The following CDHR3 variants were observed in gnomAD, a reference collection of about 807,000 sequenced individuals.
CDHR3 encodes cadherin-related family member 3.
Under a neutral mutation model 86.6 loss-of-function variants are expected in CDHR3, and 79 were observed. The observed-to-expected ratio is 0.91, with a 90% CI of 0.76 to 1.10. CDHR3 has a LOEUF of 1.10. Ranked by LOEUF, CDHR3 falls within the 50% of genes least tolerant of loss-of-function variation. The probability of loss-of-function intolerance (pLI) is 0.00; values close to 1 mark genes in which losing one functional copy is unlikely to be tolerated. For missense variants in CDHR3, 1,081 were observed against 1,077.6 expected (o/e 1.00, Z -0.04); for synonymous variants, 421 against 402.4 (o/e 1.05, Z -0.55).
Position 106,015,988 on chromosome 7 carries a change from G to A in CDHR3, c.1389G>A (p.Arg463=), listed in dbSNP as rs1364034035. The A allele has an allele frequency of 3.1e-6, 5 of 1,612,518 alleles. No individual in the cohort carries two copies. The Admixed American group carries it at 5.0e-5, about 16-fold the overall frequency. The part of the protein sequence containing the change: ...PENEFPLIFD[R]PSYVFDVSER... Reference sequence around the variant, plus strand: ...ATGAGTTTCCTCTCATTTTTGATAGGCCATCCTATGTATTTGATGTGTCAG... The same window carrying A: ...ATGAGTTTCCTCTCATTTTTGATAGACCATCCTATGTATTTGATGTGTCAG... The change falls in exon 11 of 19, where the codon AGG becomes AGA. Residue 463 remains arginine, a synonymous_variant. Coordinates refer to ENST00000317716, the MANE Select transcript of CDHR3 (RefSeq NM_152750.5).
chr7:106,017,564 G>C (rs13312205), intron 11 of CDHR3, among the ~76,000 whole-genome samples: 37 of 130,608 alleles, frequency 2.8e-4, no homozygotes, highest in South Asian at 5.1e-4. Context: ...GTCACACACA[G>C]ACACACACAC....
chr7:106,018,761 T>C (rs1051734425), intron 12 of CDHR3, among the ~76,000 whole-genome samples: 1 of 152,092 alleles, frequency 6.6e-6, no homozygotes, highest in East Asian at 1.9e-4. Flanking sequence ...CCAGGAGCAG[T>C]TATGCCGTGT....
chr7:105,972,588 G>T (rs1192031630), intron 1 of CDHR3, among the ~76,000 whole-genome samples: 1 of 152,156 alleles, frequency 6.6e-6, no homozygotes, highest in Non-Finnish European at 1.5e-5. Flanking sequence ...AGGGAATTAT[G>T]CCCCAAATAC....
Position 106,026,764 on chromosome 7 carries a change from C to A in CDHR3, c.2272+69C>A, listed in dbSNP as rs1024390845. ...CTCTGTTGTGCTACGTAAAAAGGTT[C>A]CTACTCGGCAAAGAATCAGGCCGCG... On this transcript the variant is annotated intron_variant, in intron 16 of 18. Coordinates refer to ENST00000317716, the MANE Select transcript of CDHR3 (RefSeq NM_152750.5). The A allele has an allele frequency of 5.9e-6, 9 of 1,520,036 alleles. No homozygotes were observed. In the African/African-American group the frequency reaches 9.6e-5, roughly 16 times the overall value. The allele number at this position is 1,520,036 out of a possible 1,614,324, so 94.2% of individuals were successfully genotyped here. A position where few individuals can be genotyped will look rare whatever the true frequency, so the allele number is the denominator to read the frequency against.
At chr7:106,007,154 C>A (rs537812612) in intron 8 of CDHR3, among the ~76,000 whole-genome samples, 14 of 152,322 alleles carry the variant, frequency 9.2e-5, no homozygotes, top group African/African-American at 2.9e-4. Context: ...GGCACCAAGT[C>A]CCTAGGCTGC....
At chr7:106,002,994 T>C (rs1833428918) in intron 7 of CDHR3, among the ~76,000 whole-genome samples, 1 of 151,430 alleles carries the variant, frequency 6.6e-6, no homozygotes, top group Non-Finnish European at 1.5e-5. Flanking sequence ...ATTAGCTGAG[T>C]GTCATGATAC....
At chr7:106,009,179 C>A (rs1834382989) in intron 8 of CDHR3, among the ~76,000 whole-genome samples, 1 of 152,178 alleles carries the variant, frequency 6.6e-6, no homozygotes. Flanking sequence ...ATAATCTAAC[C>A]AAGGCTCAAG....
At chr7:105,988,411 C>T (rs1009258191) in intron 4 of CDHR3, among the ~76,000 whole-genome samples, 5 of 152,178 alleles carry the variant, frequency 3.3e-5, no homozygotes, top group African/African-American at 9.7e-5. Flanking sequence ...ATGCCTGAAG[C>T]GACCTAGGCT....
intron 2 of CDHR3, among the ~76,000 whole-genome samples, chr7:105,977,939 G>A (rs769501534): frequency 1.3e-5 from 2 of 152,124 alleles, no homozygotes; most frequent in Non-Finnish European, 2.9e-5. Flanking sequence ...TTCATTTACG[G>A]GGCATTTACC....
intron 7 of CDHR3, among the ~76,000 whole-genome samples, chr7:106,003,877 G>A (rs1833555124): frequency 6.7e-6 from 1 of 148,606 alleles, no homozygotes; most frequent in African/African-American, 2.5e-5. Flanking sequence ...TCACTCTAGT[G>A]TTGCGAAATT....
At chr7:106,019,503 G>A (rs549285476) in intron 12 of CDHR3, among the ~76,000 whole-genome samples, 4 of 151,974 alleles carry the variant, frequency 2.6e-5, no homozygotes, top group African/African-American at 9.7e-5. Flanking sequence ...TTCAAAGGTA[G>A]TATGAATATG....
At chr7:106,015,818 G>A in intron 10 of CDHR3, 109 bp from the exon 11 acceptor site, 1 of 814,962 alleles carries the variant, frequency 1.2e-6, no homozygotes, top group Non-Finnish European at 2.1e-6. Flanking sequence ...TAGCCACCTG[G>A]TATCCCCTAT....
At position 106,032,773 on chromosome 7, in the gene CDHR3, G is replaced by T; in HGVS notation, c.*76G>T. On this transcript the variant is annotated 3_prime_UTR_variant, in exon 19 of 19. Coordinates refer to ENST00000317716, the MANE Select transcript of CDHR3 (RefSeq NM_152750.5). ...AATTCTATGGGGATGGTGTGGGCAT[G>T]GTGTAGGGGGGAAAATGTGGGCTGA... 1 of 1,424,440 alleles carries T rather than the reference G, an allele frequency of 7.0e-7. No individual in the cohort carries two copies. The highest frequency in any genetic ancestry group is 1.4e-5 in the South Asian group (1 of 70,074). 88.2% of individuals were successfully genotyped at this position (1,424,440 alleles called of 1,614,324 possible).
intron 1 of CDHR3, among the ~76,000 whole-genome samples, chr7:105,971,556 G>A (rs1232788459): frequency 6.6e-6 from 1 of 152,168 alleles, no homozygotes; most frequent in Non-Finnish European, 1.5e-5. Context: ...TGGAATGCTG[G>A]ATCTTTCATG....
intron 18 of CDHR3, among the ~76,000 whole-genome samples, 178 bp from the exon 19 acceptor site, chr7:106,032,215 G>A (rs1585888624): frequency 6.6e-6 from 1 of 152,312 alleles, no homozygotes; most frequent in African/African-American, 2.4e-5. Flanking sequence ...TTGTGGCAAG[G>A]GCAGGCTGGT....
chr7:106,000,774 A>G (rs1264886486), intron 6 of CDHR3, among the ~76,000 whole-genome samples: 1 of 152,096 alleles, frequency 6.6e-6, no homozygotes, highest in Non-Finnish European at 1.5e-5. Flanking sequence ...TTATCTTGCA[A>G]GAAGGACAGT....
At position 106,022,320 on chromosome 7, in the gene CDHR3, G is replaced by A. The variant is rs201258435; in HGVS notation, c.1948G>A (p.Val650Ile). Residue 650 changes from valine (V) to isoleucine (I), a missense_variant, in exon 14 of 19, where the codon GTC becomes ATC. Transcript: ENST00000317716. The part of the protein sequence containing the change: ...FDKIWDYKLL[V>I]YVTDDNLMSD... ...TAAGATCTGGGACTACAAGCTACTT[G>A]TCTACGTAACTGATGACAACTTGAT... The A allele has an allele frequency of 2.4e-5, 38 of 1,613,902 alleles. No homozygotes were observed. The highest frequency in any genetic ancestry group is 3.1e-5 in the Non-Finnish European group (36 of 1,179,908).
intron 14 of CDHR3, among the ~76,000 whole-genome samples, chr7:106,022,785 T>C (rs972861960): frequency 6.6e-6 from 1 of 152,210 alleles, no homozygotes; most frequent in Non-Finnish European, 1.5e-5. Flanking sequence ...TGCCAGTTGC[T>C]ACCTTCACAA....
At chr7:105,987,797 G>A (rs998175147) in intron 4 of CDHR3, among the ~76,000 whole-genome samples, 1 of 152,210 alleles carries the variant, frequency 6.6e-6, no homozygotes, top group Non-Finnish European at 1.5e-5. Context: ...TGGAGTTTTC[G>A]AGTCTGAGTC....
Sources: allele counts gnomAD v4.1 joint callset (sites outside exome capture counted in the v4.1 genomes callset), GRCh38; gene constraint gnomAD v4.1.1; transcripts MANE v1.5; gene names NCBI Gene and HGNC (gene_info 2026-07-23, HGNC 2026-07-21).